PALM2AKAP2: variants seen among roughly 807,000 people sequenced by gnomAD.
The protein encoded by PALM2AKAP2 is PALM2 and AKAP2 fusion, also known as PALM2-AKAP2 fusion protein.
PALM2AKAP2 carries 37 observed loss-of-function variants against 71.5 expected under a neutral mutation model. That is an observed-to-expected ratio of 0.52 (90% CI 0.40 to 0.68). The LOEUF (loss-of-function observed/expected upper bound fraction) is 0.68, where lower values mean the gene tolerates loss of function less well. Among genes scored for constraint, PALM2AKAP2 ranks in the 30% least tolerant of loss-of-function variants. The probability of loss-of-function intolerance (pLI) is 0.00; values close to 1 mark genes in which losing one functional copy is unlikely to be tolerated. For missense variants in PALM2AKAP2, 1,224 were observed against 1,191.8 expected (o/e 1.03, Z -0.40); for synonymous variants, 468 against 478.8 (o/e 0.98, Z 0.29).
chr9:109,772,543 A>G (rs770217924), intron 1 of PALM2AKAP2, among the ~76,000 whole-genome samples: 1 of 152,208 alleles, frequency 6.6e-6, no homozygotes, highest in Admixed American at 6.5e-5. Context: ...TGTTTCTCCC[A>G]TCTCATCCTC....
chr9:109,994,676 C>T (rs1832543016), intron 6 of PALM2AKAP2, among the ~76,000 whole-genome samples: 1 of 152,116 alleles, frequency 6.6e-6, no homozygotes, highest in Non-Finnish European at 1.5e-5. Context: ...ACTGGTCTTG[C>T]TTTGGTCATC....
chr9:109,935,703 T>C (rs571018341), intron 6 of PALM2AKAP2, among the ~76,000 whole-genome samples: 3 of 152,326 alleles, frequency 2.0e-5, no homozygotes, highest in Admixed American at 6.5e-5. Context: ...CTCATTCTCA[T>C]TTTTGAAAAT....
intron 1 of PALM2AKAP2, among the ~76,000 whole-genome samples, chr9:110,066,650 G>T (rs562088109): frequency 6.6e-5 from 10 of 151,152 alleles, no homozygotes; most frequent in Admixed American, 3.3e-4. Flanking sequence ...AGTGAGCTAT[G>T]ATCACAACAC....
intron 6 of PALM2AKAP2, among the ~76,000 whole-genome samples, chr9:110,002,411 A>G (rs1832698061): frequency 6.7e-6 from 1 of 150,072 alleles, no homozygotes; most frequent in African/African-American, 2.5e-5. Flanking sequence ...CTAGATTCAC[A>G]TCAAATAAAA....
chr9:109,962,642 ATTTTTTT>A (rs397894684), intron 6 of PALM2AKAP2, among the ~76,000 whole-genome samples: 1 of 142,928 alleles, frequency 7.0e-6, no homozygotes. Context: ...AACTGTGCCA[ATTTTTTT>A]TTTTTTTTTG....
intron 1 of PALM2AKAP2, among the ~76,000 whole-genome samples, chr9:109,822,860 G>A (rs561610193): frequency 9.2e-5 from 14 of 152,296 alleles, no homozygotes; most frequent in African/African-American, 3.1e-4. Flanking sequence ...GTAGAATGAT[G>A]TATATTCCTT....
chr9:109,822,672 C>T (rs1828040841), intron 1 of PALM2AKAP2, among the ~76,000 whole-genome samples: 1 of 152,172 alleles, frequency 6.6e-6, no homozygotes, highest in African/African-American at 2.4e-5. Context: ...CAACAGCCTC[C>T]AGCTCTATCT....
At chr9:109,941,219 A>G (rs914384310) in intron 6 of PALM2AKAP2, among the ~76,000 whole-genome samples, 3 of 144,510 alleles carry the variant, frequency 2.1e-5, no homozygotes, top group African/African-American at 7.8e-5. Flanking sequence ...TCCTCTGGCC[A>G]TACAGAAACA....
intron 1 of PALM2AKAP2, among the ~76,000 whole-genome samples, chr9:109,729,145 A>G (rs553116511): frequency 6.6e-6 from 1 of 152,300 alleles, no homozygotes; most frequent in Non-Finnish European, 1.5e-5. Flanking sequence ...CCCTTTATCA[A>G]AGATGACAGG....
intron 1 of PALM2AKAP2, among the ~76,000 whole-genome samples, chr9:109,752,586 C>A (rs1173671789): frequency 1.3e-5 from 2 of 152,066 alleles, no homozygotes; most frequent in African/African-American, 4.8e-5. Flanking sequence ...GCAAATAACT[C>A]AGAATGGGAG....
intron 1 of PALM2AKAP2, among the ~76,000 whole-genome samples, chr9:109,853,408 A>G (rs969806097): frequency 6.6e-6 from 1 of 152,234 alleles, no homozygotes; most frequent in Non-Finnish European, 1.5e-5. Context: ...TAAAAGTGAG[A>G]TTATACTGAG....
At chr9:109,858,593 G>A (rs957177198) in intron 1 of PALM2AKAP2, among the ~76,000 whole-genome samples, 1 of 152,138 alleles carries the variant, frequency 6.6e-6, no homozygotes, top group African/African-American at 2.4e-5. Context: ...AGACTTCATG[G>A]TGGGAATAAG....
At chr9:110,042,730 G>T (rs998045579) in intron 7 of PALM2AKAP2, among the ~76,000 whole-genome samples, 1 of 152,096 alleles carries the variant, frequency 6.6e-6, no homozygotes, top group Non-Finnish European at 1.5e-5. Context: ...ATGGGTTGGG[G>T]TTAGTTCTCC....
At chr9:109,644,477 T>A (rs1827119193) in intron 1 of PALM2AKAP2, among the ~76,000 whole-genome samples, 1 of 152,196 alleles carries the variant, frequency 6.6e-6, no homozygotes, top group Admixed American at 6.5e-5. Flanking sequence ...TTGTTGAGAT[T>A]AGCACTGGTC....
chr9:109,796,857 T>G (rs768639172), intron 1 of PALM2AKAP2, among the ~76,000 whole-genome samples: 2 of 152,192 alleles, frequency 1.3e-5, no homozygotes, highest in Non-Finnish European at 2.9e-5. Flanking sequence ...AGGATTACAA[T>G]TCAAGATGAG....
chr9:110,163,069 T>G (rs1241063468), intron 3 of PALM2AKAP2, among the ~76,000 whole-genome samples: 2 of 152,202 alleles, frequency 1.3e-5, no homozygotes, highest in South Asian at 2.1e-4. Context: ...TATAAATATG[T>G]GTGCTATGAG....
intron 1 of PALM2AKAP2, among the ~76,000 whole-genome samples, chr9:109,796,863 A>G (rs1190093914): frequency 6.6e-6 from 1 of 152,188 alleles, no homozygotes; most frequent in Non-Finnish European, 1.5e-5. Context: ...ACAATTCAAG[A>G]TGAGATGTGG....
At chr9:109,848,031 A>G (rs1828911007) in intron 1 of PALM2AKAP2, among the ~76,000 whole-genome samples, 1 of 152,332 alleles carries the variant, frequency 6.6e-6, no homozygotes, top group African/African-American at 2.4e-5. Context: ...ACTTGTTCCT[A>G]TGAAATAAGT....
chr9:109,895,600 A>C (rs1233561031), intron 3 of PALM2AKAP2, among the ~76,000 whole-genome samples: 1 of 152,206 alleles, frequency 6.6e-6, no homozygotes, highest in Non-Finnish European at 1.5e-5. Context: ...CTCCTACTTC[A>C]GGTCGAACTA....
Sources: gnomAD v4.1 joint callset for allele counts (sites outside exome capture counted in the v4.1 genomes callset) on GRCh38, gnomAD v4.1.1 for gene constraint, MANE v1.5 for transcripts, NCBI Gene and HGNC (gene_info 2026-07-23, HGNC 2026-07-21) for gene names.